The following GRM7 variants were observed in gnomAD, a reference collection of about 807,000 sequenced individuals.
The protein encoded by GRM7 is metabotropic glutamate receptor 7.
Under a neutral mutation model 84.5 loss-of-function variants are expected in GRM7, and 35 were observed. The observed-to-expected ratio is 0.41, with a 90% CI of 0.32 to 0.55. The LOEUF (loss-of-function observed/expected upper bound fraction) is 0.55, where lower values mean the gene tolerates loss of function less well. Ranked by LOEUF, GRM7 falls within the 20% of genes least tolerant of loss-of-function variation. The pLI, the probability that GRM7 is intolerant of heterozygous loss-of-function variation, is 0.19. For missense variants in GRM7, 1,003 were observed against 1,194.6 expected, an observed-to-expected ratio of 0.84 and a Z score of 2.36; for synonymous variants, 487 against 455.1, an observed-to-expected ratio of 1.07 and a Z score of -0.89.
At chr3:7,498,547 G>A (rs994714849) in intron 7 of GRM7, among the ~76,000 whole-genome samples, 4 of 152,132 alleles carry the variant, frequency 2.6e-5, no homozygotes, top group Admixed American at 6.6e-5. Flanking sequence ...GGTTGAATCC[G>A]GATTCTGGTA....
chr3:7,220,888 T>C (rs1696778496), intron 2 of GRM7, among the ~76,000 whole-genome samples: 1 of 152,096 alleles, frequency 6.6e-6, no homozygotes, highest in African/African-American at 2.4e-5. Flanking sequence ...AGCTCAGGAG[T>C]TTGGCACCAG....
chr3:6,888,449 T>C (rs1008440549), intron 1 of GRM7, among the ~76,000 whole-genome samples: 3 of 152,182 alleles, frequency 2.0e-5, no homozygotes, highest in African/African-American at 7.2e-5. Flanking sequence ...TTTCTACATA[T>C]GGCTGGCCAG....
intron 7 of GRM7, among the ~76,000 whole-genome samples, chr3:7,538,840 C>G (rs1470626606): frequency 6.6e-6 from 1 of 152,270 alleles, no homozygotes; most frequent in Non-Finnish European, 1.5e-5. Context: ...ATCAAGTGAA[C>G]AGATGCCAGA....
At chr3:7,224,091 C>T (rs1339565746) in intron 2 of GRM7, among the ~76,000 whole-genome samples, 1 of 152,132 alleles carries the variant, frequency 6.6e-6, no homozygotes, top group Non-Finnish European at 1.5e-5. Flanking sequence ...TTCTTACACT[C>T]TTATAAAGAA....
intron 1 of GRM7, among the ~76,000 whole-genome samples, chr3:6,870,771 C>A (rs946008800): frequency 6.6e-6 from 1 of 152,042 alleles, no homozygotes; most frequent in African/African-American, 2.4e-5. Flanking sequence ...AAAGAAAGAA[C>A]AGGATCAAGA....
At chr3:7,105,723 G>T (rs770653439) in intron 1 of GRM7, among the ~76,000 whole-genome samples, 3 of 151,548 alleles carry the variant, frequency 2.0e-5, no homozygotes, top group Non-Finnish European at 4.4e-5. Flanking sequence ...TTTGTGGGAT[G>T]GGTGGAATTA....
At chr3:6,890,322 T>G (rs538338431) in intron 1 of GRM7, among the ~76,000 whole-genome samples, 1 of 152,342 alleles carries the variant, frequency 6.6e-6, no homozygotes, top group East Asian at 1.9e-4. Context: ...AATTGTGATG[T>G]TAGGGTGTCA....
chr3:7,172,591 T>C (rs1366153940), intron 2 of GRM7, among the ~76,000 whole-genome samples: 1 of 138,122 alleles, frequency 7.2e-6, no homozygotes, highest in Non-Finnish European at 1.5e-5. Flanking sequence ...TACATATTTG[T>C]CCCAAAAATG....
intron 1 of GRM7, among the ~76,000 whole-genome samples, chr3:7,098,788 C>A (rs1363537982): frequency 1.3e-5 from 2 of 151,916 alleles, no homozygotes; most frequent in Non-Finnish European, 2.9e-5. Context: ...ACAATCTGTT[C>A]TGGTTCATTA....
chr3:7,395,749 T>C (rs140177341), intron 4 of GRM7, among the ~76,000 whole-genome samples: 2 of 152,350 alleles, frequency 1.3e-5, no homozygotes, highest in South Asian at 2.1e-4. Context: ...CCCAGTCATA[T>C]GGAATTGTGA....
chr3:7,004,725 T>A (rs554417562), intron 1 of GRM7, among the ~76,000 whole-genome samples: 2 of 152,310 alleles, frequency 1.3e-5, no homozygotes, highest in South Asian at 2.1e-4. Flanking sequence ...ATTGTGGAAA[T>A]GTGAATGGAT....
At chr3:7,709,235 T>A (rs1307716535) in intron 9 of GRM7, among the ~76,000 whole-genome samples, 1 of 152,148 alleles carries the variant, frequency 6.6e-6, no homozygotes, top group South Asian at 2.1e-4. Context: ...TAAACAAATA[T>A]AAGAATATAA....
intron 4 of GRM7, among the ~76,000 whole-genome samples, chr3:7,358,683 G>A (rs62237108): frequency 0.13 from 16,641 of 129,418 alleles, 2,076 homozygotes; most frequent in East Asian, 0.3. Flanking sequence ...ACTTCCTGTG[G>A]AATTAATATT....
intron 2 of GRM7, among the ~76,000 whole-genome samples, chr3:7,291,138 C>CT (rs779474254): frequency 0.024 from 3,437 of 145,772 alleles, 36 homozygotes; most frequent in Middle Eastern, 0.067. Context: ...ATTTTCTTGA[C>CT]TTTTTTTTTT....
chr3:7,038,789 GGAT>G (rs1260998011), intron 1 of GRM7, among the ~76,000 whole-genome samples: 2 of 152,132 alleles, frequency 1.3e-5, no homozygotes, highest in African/African-American at 4.8e-5. Flanking sequence ...GAGACTTAGA[GGAT>G]TTTAATAACG....
Position 7,331,960 on chromosome 3 carries a change from G to A in GRM7, c.1033+25308G>A, listed in dbSNP as rs75269126. Among the ~76,000 whole-genome samples the A allele has an allele frequency of 8.8e-3, 1,338 of 152,260 alleles. 8 individuals carry two copies. The highest frequency in any genetic ancestry group is 0.025 in the Admixed American group (383 of 15,282). ...CTGGAAAAGGATGTTGAAACTTAAA[G>A]GAGGTGAGAGAGGAGTGTGACTCAG... is the stretch of plus-strand genomic sequence containing the variant. On this transcript the variant is annotated intron_variant, in intron 4 of 9. Transcript: ENST00000357716.
intron 4 of GRM7, chr3:7,403,156 C>T: frequency 2.2e-6 from 1 of 446,590 alleles, no homozygotes; most frequent in South Asian, 1.6e-5. Context: ...GTCTGGCTTT[C>T]TTTCTGTCAT....
chr3:7,434,857 G>T (rs1378217344), intron 5 of GRM7, among the ~76,000 whole-genome samples: 1 of 152,056 alleles, frequency 6.6e-6, no homozygotes, highest in African/African-American at 2.4e-5. Flanking sequence ...AAGAGTTCAT[G>T]CATATTTTAG....
intron 7 of GRM7, among the ~76,000 whole-genome samples, chr3:7,480,754 G>C (rs376534133): frequency 5.9e-5 from 9 of 152,136 alleles, no homozygotes; most frequent in African/African-American, 2.2e-4. Context: ...TGTACATTCA[G>C]ATCATTGGGA....
Sources: gnomAD v4.1 joint callset for allele counts (sites outside exome capture counted in the v4.1 genomes callset) on GRCh38, gnomAD v4.1.1 for gene constraint, MANE v1.5 for transcripts, NCBI Gene and HGNC (gene_info 2026-07-23, HGNC 2026-07-21) for gene names.